The following FAM120B variants were observed in gnomAD, a reference collection of about 807,000 sequenced individuals.
FAM120B encodes the protein family with sequence similarity 120 member B, also known as constitutive coactivator of peroxisome proliferator-activated receptor gamma.
FAM120B carries 83 observed loss-of-function variants against 96.3 expected under a neutral mutation model. The observed-to-expected ratio is 0.86, with a 90% CI of 0.72 to 1.03. The LOEUF (loss-of-function observed/expected upper bound fraction) is 1.03, where lower values mean the gene tolerates loss of function less well. FAM120B is among the 50% of genes least tolerant of loss of function. The pLI, the probability that FAM120B is intolerant of heterozygous loss-of-function variation, is 0.00. For missense variants in FAM120B, 1,027 were observed against 1,121.2 expected, an observed-to-expected ratio of 0.92 and a Z score of 1.20; for synonymous variants, 407 against 402.7, an observed-to-expected ratio of 1.01 and a Z score of -0.13.
In FAM120B at chr6:170,407,020, T is replaced by C. The variant is rs1246514831; in HGVS notation, c.*2269T>C. On this transcript the variant is annotated 3_prime_UTR_variant, in exon 11 of 11. Coordinates refer to ENST00000476287, the MANE Select transcript of FAM120B (RefSeq NM_032448.3). ...GTCAAGTCTTCTGATGAAATTTCCA[T>C]ATATCAAATTGAAAATAAAGCAAAA... 6.6e-6 allele frequency: 1 copy of C among 152,254 alleles called. No individual in the cohort carries two copies. Among genetic ancestry groups the C allele is most frequent in the Admixed American group, 6.5e-5 (1 of 15,286 alleles). 9.4% of individuals were successfully genotyped at this position (152,254 alleles called of 1,614,324 possible).
At chr6:170,342,968 G>A (rs1180185674) in intron 4 of FAM120B, among the ~76,000 whole-genome samples, 1 of 152,220 alleles carries the variant, frequency 6.6e-6, no homozygotes, top group Admixed American at 6.5e-5. Flanking sequence ...TAAAGTTTGA[G>A]TTGCCCTCCC....
At chr6:170,393,838 C>T (rs118105773) in intron 8 of FAM120B, among the ~76,000 whole-genome samples, 2,445 of 152,244 alleles carry the variant, frequency 0.016, 103 homozygotes, top group East Asian at 0.1. Flanking sequence ...GCTGTAGGGA[C>T]GTGGTAGGGC....
intron 9 of FAM120B, among the ~76,000 whole-genome samples, chr6:170,396,233 G>A (rs553803258): frequency 1.3e-5 from 2 of 152,266 alleles, no homozygotes; most frequent in African/African-American, 2.4e-5. Context: ...TCTAAAATGT[G>A]TAGAGACTTC....
At chr6:170,323,464 C>T (rs1313013146) in intron 3 of FAM120B, among the ~76,000 whole-genome samples, 1 of 152,140 alleles carries the variant, frequency 6.6e-6, no homozygotes, top group African/African-American at 2.4e-5. Flanking sequence ...ATCTAATGAA[C>T]AGTAAGTTGA....
chr6:170,366,874 G>A (rs771924677), intron 6 of FAM120B, among the ~76,000 whole-genome samples: 3 of 152,058 alleles, frequency 2.0e-5, no homozygotes, highest in Non-Finnish European at 4.4e-5. Flanking sequence ...GCCCAGCCTC[G>A]GATAAGCTCA....
In FAM120B at chr6:170,345,252, T is replaced by A. The variant is rs1787100178; in HGVS notation, c.2018-2899T>A. Among the ~76,000 whole-genome samples the A allele has an allele frequency of 3.9e-5, 6 of 152,326 alleles. 1 individual carries two copies. In the South Asian group the frequency reaches 1.2e-3, roughly 32 times the overall value. ...CCAGCCCAATGTTCCCACCAGTCTCTTCCATGAAAATTTATTAATGCCCTG... is the reference window on the plus strand; with the variant it reads ...CCAGCCCAATGTTCCCACCAGTCTCATCCATGAAAATTTATTAATGCCCTG... On this transcript the variant is annotated intron_variant, in intron 4 of 10. Coordinates refer to ENST00000476287, the MANE Select transcript of FAM120B (RefSeq NM_032448.3).
chr6:170,333,071 G>C (rs1786165199), intron 4 of FAM120B, among the ~76,000 whole-genome samples: 1 of 152,064 alleles, frequency 6.6e-6, no homozygotes, highest in Non-Finnish European at 1.5e-5. Flanking sequence ...AATTAGGAAG[G>C]GGAAATAATC....
intron 8 of FAM120B, among the ~76,000 whole-genome samples, chr6:170,393,412 T>TAG: frequency 6.6e-6 from 1 of 152,340 alleles, no homozygotes; most frequent in Non-Finnish European, 1.5e-5. Context: ...ACAGTGGTAC[T>TAG]TACAATTTTT....
At chr6:170,384,873 C>G (rs1047576431) in intron 6 of FAM120B, among the ~76,000 whole-genome samples, 2 of 152,138 alleles carry the variant, frequency 1.3e-5, no homozygotes, top group Non-Finnish European at 2.9e-5. Context: ...ACTGTCTGGC[C>G]CCTGCAGAGG....
chr6:170,302,535 T>C (rs112930208), upstream of FAM120B, among the ~76,000 whole-genome samples: 14 of 152,356 alleles, frequency 9.2e-5, no homozygotes, highest in African/African-American at 3.4e-4. Context: ...TCTTGCAGTC[T>C]ATTTAAAGGG....
intron 2 of FAM120B, among the ~76,000 whole-genome samples, chr6:170,321,385 T>A (rs1348946902): frequency 6.6e-6 from 1 of 152,186 alleles, no homozygotes; most frequent in Non-Finnish European, 1.5e-5. Flanking sequence ...TTTTGGAAGA[T>A]CAGTTGAGTT....
At chr6:170,291,688 A>G (rs113012032), upstream of FAM120B, among the ~76,000 whole-genome samples, 1,381 of 152,252 alleles carry the variant, frequency 9.1e-3, 17 homozygotes, top group African/African-American at 0.031. Context: ...CGGGGAGTGC[A>G]GAGCCGACGC....
intron 4 of FAM120B, among the ~76,000 whole-genome samples, chr6:170,331,343 G>A (rs567259897): frequency 5.9e-5 from 9 of 152,174 alleles, no homozygotes; most frequent in Admixed American, 3.3e-4. Context: ...CTCTGGTTTC[G>A]CTACTATTTT....
At chr6:170,369,894 A>G (rs1240798056) in intron 6 of FAM120B, among the ~76,000 whole-genome samples, 1 of 152,174 alleles carries the variant, frequency 6.6e-6, no homozygotes, top group Admixed American at 6.5e-5. Flanking sequence ...AGTTTGCTGA[A>G]TATGTCCATA....
At chr6:170,358,411 G>GT (rs1788114426) in intron 6 of FAM120B, 93 bp downstream of exon 6, 18 of 913,682 alleles carry the variant, frequency 2.0e-5, no homozygotes, top group Non-Finnish European at 2.1e-5. Flanking sequence ...TCACAGAAAA[G>GT]ATCAGGAAGG....
intron 6 of FAM120B, among the ~76,000 whole-genome samples, chr6:170,375,178 T>G (rs1033929705): frequency 2.6e-5 from 4 of 152,250 alleles, no homozygotes; most frequent in Admixed American, 6.5e-5. Context: ...AATCTGTGGT[T>G]GTTGCTGTAA....
intron 4 of FAM120B, among the ~76,000 whole-genome samples, chr6:170,333,131 A>G (rs1786168764): frequency 1.3e-5 from 2 of 152,090 alleles, no homozygotes; most frequent in South Asian, 4.1e-4. Context: ...CCTGGGTGCT[A>G]TGGTTTGAAT....
intron 4 of FAM120B, among the ~76,000 whole-genome samples, chr6:170,334,222 TC>T (rs1203364354): frequency 2.0e-5 from 3 of 152,232 alleles, no homozygotes; most frequent in Non-Finnish European, 2.9e-5. Context: ...TGGTAATTTG[TC>T]TATCTTGAAG....
chr6:170,357,367 G>A (rs555164299), intron 5 of FAM120B, among the ~76,000 whole-genome samples: 3 of 152,212 alleles, frequency 2.0e-5, no homozygotes, highest in South Asian at 4.2e-4. Context: ...GGTCTGGACC[G>A]TCCGTGTCTT....
Sources: gnomAD v4.1 joint callset for allele counts (sites outside exome capture counted in the v4.1 genomes callset) on GRCh38, gnomAD v4.1.1 for gene constraint, MANE v1.5 for transcripts, NCBI Gene and HGNC (gene_info 2026-07-23, HGNC 2026-07-21) for gene names.